Variants in ADCY8 observed in about 807,000 individuals in gnomAD.
ADCY8 encodes adenylate cyclase 8, also known as adenylate cyclase type 8.
Under a neutral mutation model 119.7 loss-of-function variants are expected in ADCY8, and 51 were observed. That is an observed-to-expected ratio of 0.43 (90% CI 0.34 to 0.54). The LOEUF (loss-of-function observed/expected upper bound fraction) is 0.54, where lower values mean the gene tolerates loss of function less well. ADCY8 is among the 20% of genes least tolerant of loss of function. ADCY8 has a pLI of 0.03. For missense variants in ADCY8, 1,383 were observed against 1,598.8 expected (o/e 0.87, Z 2.30); for synonymous variants, 665 against 651.0 (o/e 1.02, Z -0.33).
chr8:130,957,030 C>T (rs1821449615), intron 2 of ADCY8, among the ~76,000 whole-genome samples: 1 of 152,112 alleles, frequency 6.6e-6, no homozygotes. Flanking sequence ...TGGGGCGTTG[C>T]TGAAAAGATA....
intron 14 of ADCY8, among the ~76,000 whole-genome samples, chr8:130,800,844 T>C (rs543619859): frequency 2.0e-5 from 3 of 152,344 alleles, no homozygotes; most frequent in Non-Finnish European, 2.9e-5. Context: ...CTGGCAGATA[T>C]GATGTCTGGT....
chr8:130,945,727 G>C (rs1821087796), intron 3 of ADCY8, among the ~76,000 whole-genome samples: 1 of 152,230 alleles, frequency 6.6e-6, no homozygotes, highest in African/African-American at 2.4e-5. Flanking sequence ...CCATTCATTT[G>C]ATTATGTATT....
At chr8:131,010,956 C>T (rs1586653907) in intron 1 of ADCY8, among the ~76,000 whole-genome samples, 3 of 152,266 alleles carry the variant, frequency 2.0e-5, no homozygotes, top group Admixed American at 2.0e-4. Context: ...AACCTAACCC[C>T]AGTGAAGCAG....
chr8:130,863,619 T>C (rs1381279105), intron 9 of ADCY8, among the ~76,000 whole-genome samples: 1 of 152,170 alleles, frequency 6.6e-6, no homozygotes, highest in Non-Finnish European at 1.5e-5. Flanking sequence ...AGCATATCAA[T>C]TATATTTCTC....
intron 14 of ADCY8, among the ~76,000 whole-genome samples, chr8:130,806,816 T>C (rs1485626381): frequency 6.6e-6 from 1 of 152,068 alleles, no homozygotes; most frequent in Non-Finnish European, 1.5e-5. Flanking sequence ...ATGTAACCCA[T>C]GTAGATGAGC....
chr8:130,985,371 A>T (rs1822371390), intron 2 of ADCY8, among the ~76,000 whole-genome samples: 1 of 152,204 alleles, frequency 6.6e-6, no homozygotes, highest in Admixed American at 6.5e-5. Context: ...AAACAAAGGC[A>T]TGAGTGTAGA....
At chr8:130,837,336 C>T (rs576784976) in intron 11 of ADCY8, among the ~76,000 whole-genome samples, 2 of 152,282 alleles carry the variant, frequency 1.3e-5, no homozygotes, top group East Asian at 3.9e-4. Flanking sequence ...AAACCCTTCT[C>T]CCAAGTCCCA....
intron 9 of ADCY8, among the ~76,000 whole-genome samples, chr8:130,864,551 T>A (rs1818048975): frequency 6.6e-6 from 1 of 152,136 alleles, no homozygotes; most frequent in African/African-American, 2.4e-5. Flanking sequence ...CCAACCCCCA[T>A]TCACTTTTGT....
intron 15 of ADCY8, among the ~76,000 whole-genome samples, chr8:130,787,183 A>C (rs1393461065): frequency 1.3e-5 from 2 of 152,160 alleles, no homozygotes; most frequent in Non-Finnish European, 1.5e-5. Context: ...GGGTGTAGGC[A>C]GAAAGAGACC....
intron 1 of ADCY8, among the ~76,000 whole-genome samples, chr8:130,999,431 T>A (rs557664409): frequency 5.5e-4 from 84 of 152,224 alleles, no homozygotes; most frequent in Non-Finnish European, 9.7e-4. Flanking sequence ...GAGTTCAAAG[T>A]TGGAAGCACT....
rs908350210 is a variant in ADCY8, at chr8:131,012,718, G to A, written c.961-22176C>T. 2.0e-5 allele frequency among the ~76,000 whole-genome samples: 3 copies of A among 152,138 alleles called. No individual in the cohort carries two copies. The South Asian group carries it at 6.2e-4, about 32-fold the overall frequency. On this transcript the variant is annotated intron_variant, in intron 1 of 17. Transcript: ENST00000286355. ...AAACTGATCAACATGGAGGCATAAA[G>A]GATCATAATGGAACTCATAATGGAA...
intron 1 of ADCY8, among the ~76,000 whole-genome samples, chr8:131,010,769 T>G (rs1823276772): frequency 6.6e-6 from 1 of 152,222 alleles, no homozygotes; most frequent in Admixed American, 6.5e-5. Context: ...AAGTTACATC[T>G]CTTTCATAAT....
chr8:130,959,572 G>A (rs1326547822), intron 2 of ADCY8, among the ~76,000 whole-genome samples: 1 of 152,172 alleles, frequency 6.6e-6, no homozygotes, highest in African/African-American at 2.4e-5. Flanking sequence ...AATCAAATAA[G>A]CATAGTAATA....
chr8:130,866,754 T>C (rs1271606935), intron 9 of ADCY8, among the ~76,000 whole-genome samples: 1 of 152,190 alleles, frequency 6.6e-6, no homozygotes, highest in Admixed American at 6.5e-5. Context: ...GCTCAGATAT[T>C]ACACAGACAT....
chr8:130,954,817 T>C (rs543408566), intron 2 of ADCY8, among the ~76,000 whole-genome samples: 18 of 152,362 alleles, frequency 1.2e-4, no homozygotes, highest in Admixed American at 2.0e-4. Flanking sequence ...TTCTAATCAC[T>C]TCTTATCTGA....
intron 6 of ADCY8, among the ~76,000 whole-genome samples, chr8:130,908,920 A>C (rs1162503640): frequency 6.6e-6 from 1 of 152,158 alleles, no homozygotes; most frequent in African/African-American, 2.4e-5. Context: ...GTGATGGCAC[A>C]TACCAGAGAA....
intron 3 of ADCY8, among the ~76,000 whole-genome samples, chr8:130,950,688 C>A (rs1180220629): frequency 6.6e-6 from 1 of 152,164 alleles, no homozygotes; most frequent in Non-Finnish European, 1.5e-5. Context: ...CATGACATAA[C>A]CTTTCAATAC....
In ADCY8 at chr8:130,908,510, A is replaced by G. The variant is rs553144857; in HGVS notation, c.1640+1198T>C. On this transcript the variant is annotated intron_variant, in intron 6 of 17. Transcript: ENST00000286355. ...GACCTGGGGTGTCCCTGCACAGTGTACAAAAAAAAGCGCTTCATACCCATT... is the reference window on the plus strand; with the variant it reads ...GACCTGGGGTGTCCCTGCACAGTGTGCAAAAAAAAGCGCTTCATACCCATT... 2.0e-5 allele frequency among the ~76,000 whole-genome samples: 3 copies of G among 149,860 alleles called. No homozygotes were observed. The South Asian group carries it at 6.4e-4, about 32-fold the overall frequency.
chr8:130,987,725 G>A (rs1332212565), intron 2 of ADCY8, among the ~76,000 whole-genome samples: 2 of 152,068 alleles, frequency 1.3e-5, no homozygotes, highest in Non-Finnish European at 2.9e-5. Flanking sequence ...GTTCTGATAA[G>A]AGGAAAATGG....
Sources: gnomAD v4.1 joint callset for allele counts (sites outside exome capture counted in the v4.1 genomes callset) on GRCh38, gnomAD v4.1.1 for gene constraint, MANE v1.5 for transcripts, NCBI Gene and HGNC (gene_info 2026-07-23, HGNC 2026-07-21) for gene names.